TAFA2: variants seen among roughly 807,000 people sequenced by gnomAD.
TAFA2 encodes the protein TAFA chemokine like family member 2.
Under a neutral mutation model 18.8 loss-of-function variants are expected in TAFA2, and 7 were observed. The ratio of observed to expected loss-of-function variants is 0.37; its 90% CI spans 0.21 to 0.70. The LOEUF is 0.70. TAFA2 is among the 30% of genes least tolerant of loss of function. The pLI, the probability that TAFA2 is intolerant of heterozygous loss-of-function variation, is 0.53. For missense variants in TAFA2, 122 were observed against 158.1 expected (o/e 0.77, Z 1.23); for synonymous variants, 60 against 54.2 (o/e 1.11, Z -0.47).
chr12:62,115,022 T>C (rs1053527643), intron 1 of TAFA2, among the ~76,000 whole-genome samples: 4 of 152,210 alleles, frequency 2.6e-5, no homozygotes, highest in Non-Finnish European at 5.9e-5. Flanking sequence ...TAGACCAACA[T>C]TAAATTCTAA....
At chr12:61,746,799 A>C (rs553670136) in intron 4 of TAFA2, among the ~76,000 whole-genome samples, 2 of 152,260 alleles carry the variant, frequency 1.3e-5, no homozygotes, top group South Asian at 4.1e-4. Flanking sequence ...TCAGAATAGA[A>C]TCTGACAATA....
intron 1 of TAFA2, chr12:62,198,187 TG>T (rs1175168838): frequency 2.7e-5 from 4 of 149,752 alleles, no homozygotes; most frequent in East Asian, 1.9e-4. Context: ...ACTTATCACA[TG>T]AAAAAAAAAA....
At chr12:61,849,015 G>A (rs1345956651) in intron 2 of TAFA2, among the ~76,000 whole-genome samples, 1 of 151,938 alleles carries the variant, frequency 6.6e-6, no homozygotes, top group Admixed American at 6.6e-5. Context: ...CTAATTTTTT[G>A]TATTTGTTAG....
At chr12:62,166,652 C>A (rs1022360362) in intron 1 of TAFA2, among the ~76,000 whole-genome samples, 3 of 152,058 alleles carry the variant, frequency 2.0e-5, no homozygotes, top group Non-Finnish European at 4.4e-5. Context: ...ACTACTCTGG[C>A]AATTGCCAGA....
chr12:62,089,293 GA>G (rs1371439987), intron 1 of TAFA2, among the ~76,000 whole-genome samples: 1 of 152,024 alleles, frequency 6.6e-6, no homozygotes, highest in Non-Finnish European at 1.5e-5. Flanking sequence ...GGGTAAAGAA[GA>G]AAATAGATTA....
At chr12:62,166,528 C>T (rs916981264) in intron 1 of TAFA2, among the ~76,000 whole-genome samples, 1 of 152,142 alleles carries the variant, frequency 6.6e-6, no homozygotes, top group Admixed American at 6.6e-5. Flanking sequence ...CTTGCTTCAA[C>T]TTTTGCTTCC....
intron 1 of TAFA2, among the ~76,000 whole-genome samples, chr12:62,162,496 G>A (rs1249441398): frequency 2.0e-5 from 3 of 152,178 alleles, no homozygotes; most frequent in East Asian, 3.8e-4. Flanking sequence ...CAGATTACCC[G>A]TGATGCATAT....
chr12:61,952,914 T>C (rs1878520170), intron 1 of TAFA2, among the ~76,000 whole-genome samples: 1 of 152,098 alleles, frequency 6.6e-6, no homozygotes, highest in South Asian at 2.1e-4. Flanking sequence ...TCATTTCTCC[T>C]CTTTTATATT....
At chr12:62,113,471 T>A (rs1869825428) in intron 1 of TAFA2, among the ~76,000 whole-genome samples, 1 of 152,160 alleles carries the variant, frequency 6.6e-6, no homozygotes, top group African/African-American at 2.4e-5. Flanking sequence ...GGCACGGAGT[T>A]CAGGGACTCA....
At chr12:62,053,586 C>T (rs139129613) in intron 1 of TAFA2, among the ~76,000 whole-genome samples, 39 of 152,202 alleles carry the variant, frequency 2.6e-4, no homozygotes, top group African/African-American at 9.1e-4. Context: ...CTTATTTTAG[C>T]CAAAAATAAC....
chr12:61,909,298 GATAA>G (rs1484082944), intron 1 of TAFA2, among the ~76,000 whole-genome samples: 1 of 152,174 alleles, frequency 6.6e-6, no homozygotes, highest in Non-Finnish European at 1.5e-5. Flanking sequence ...GGGGTACAAA[GATAA>G]ATAAGGTACA....
chr12:62,099,140 A>G (rs975353899), intron 1 of TAFA2, among the ~76,000 whole-genome samples: 4 of 152,174 alleles, frequency 2.6e-5, no homozygotes, highest in Non-Finnish European at 5.9e-5. Context: ...TAATGATGAT[A>G]TAAGGAGTAA....
chr12:62,192,810 A>T (rs909997244), upstream of TAFA2: 1 of 152,218 alleles, frequency 6.6e-6, no homozygotes. Flanking sequence ...AAAGAACGAG[A>T]CAGTAAAAGA....
intron 1 of TAFA2, among the ~76,000 whole-genome samples, chr12:61,951,747 C>A (rs965993582): frequency 5.3e-5 from 8 of 151,982 alleles, no homozygotes; most frequent in Non-Finnish European, 1.2e-4. Flanking sequence ...ATTAGGAAAC[C>A]AGTACACAAA....
At chr12:61,732,765 G>T (rs968697223) in intron 4 of TAFA2, among the ~76,000 whole-genome samples, 1 of 151,742 alleles carries the variant, frequency 6.6e-6, no homozygotes, top group African/African-American at 2.4e-5. Context: ...GCGTGCGTGC[G>T]TGCATGTGTT....
At chr12:61,718,600 A>G (rs374443501) in intron 4 of TAFA2, among the ~76,000 whole-genome samples, 1 of 152,304 alleles carries the variant, frequency 6.6e-6, no homozygotes, top group East Asian at 1.9e-4. Flanking sequence ...ATTATTTTAA[A>G]TGCCTCAAGG....
intron 1 of TAFA2, among the ~76,000 whole-genome samples, chr12:61,950,615 C>A (rs910226419): frequency 1.3e-5 from 2 of 151,898 alleles, no homozygotes; most frequent in African/African-American, 4.8e-5. Context: ...GTTATTTGAT[C>A]TTTTGTTGTT....
chr12:61,958,866 T>G (rs1878787452), intron 1 of TAFA2, among the ~76,000 whole-genome samples: 1 of 152,138 alleles, frequency 6.6e-6, no homozygotes, highest in East Asian at 1.9e-4. Flanking sequence ...CTAACCACCA[T>G]ATTTTTGAGA....
chr12:61,813,478 T>C (rs1256025948), intron 2 of TAFA2, among the ~76,000 whole-genome samples: 1 of 151,496 alleles, frequency 6.6e-6, no homozygotes, highest in Non-Finnish European at 1.5e-5. Context: ...GATCTCTCAA[T>C]ATTCAGATAA....
Sources: gnomAD v4.1 joint callset for allele counts (sites outside exome capture counted in the v4.1 genomes callset) on GRCh38, gnomAD v4.1.1 for gene constraint, MANE v1.5 for transcripts, NCBI Gene and HGNC (gene_info 2026-07-23, HGNC 2026-07-21) for gene names.